Variants in CAPN7 observed in about 807,000 individuals in gnomAD.
CAPN7 encodes calpain-7.
Under a neutral mutation model 115.2 loss-of-function variants are expected in CAPN7, and 72 were observed. The ratio of observed to expected loss-of-function variants is 0.63; its 90% CI spans 0.52 to 0.76. CAPN7 has a LOEUF of 0.76. CAPN7 is among the 30% of genes least tolerant of loss of function. The pLI, the probability that CAPN7 is intolerant of heterozygous loss-of-function variation, is 0.00. For missense variants in CAPN7, 905 were observed against 971.5 expected, an observed-to-expected ratio of 0.93 and a Z score of 0.91; for synonymous variants, 344 against 322.3, an observed-to-expected ratio of 1.07 and a Z score of -0.72.
intron 12 of CAPN7, among the ~76,000 whole-genome samples, chr3:15,238,056 A>C (rs1170526545): frequency 9.6e-6 from 1 of 104,310 alleles, no homozygotes; most frequent in African/African-American, 3.5e-5. Context: ...CATTATTTTT[A>C]TTTTTTATTT....
At position 15,217,514 on chromosome 3, in the gene CAPN7, G is replaced by C; in HGVS notation, c.301G>C (p.Asp101His). Reference sequence around the variant, plus strand: ...CCTTGTTACACAAGCTTTTGATGAAGATGAAAAAGAGAATGTTGAAGATGC... The same window carrying C: ...CCTTGTTACACAAGCTTTTGATGAACATGAAAAAGAGAATGTTGAAGATGC... ...HFLVTQAFDE[D>H]EKENVEDAIE... Residue 101 changes from aspartate (D) to histidine (H), a missense_variant, in exon 3 of 21, where the codon GAT becomes CAT. Coordinates refer to ENST00000253693, the MANE Select transcript of CAPN7 (RefSeq NM_014296.3). 1 of 1,613,770 alleles carries C rather than the reference G, an allele frequency of 6.2e-7. No homozygotes were observed. The highest frequency in any genetic ancestry group is 1.1e-5 in the South Asian group (1 of 91,060).
At chr3:15,222,752 G>T (rs533082924) in intron 5 of CAPN7, among the ~76,000 whole-genome samples, 2 of 152,264 alleles carry the variant, frequency 1.3e-5, no homozygotes, top group Admixed American at 1.3e-4. Flanking sequence ...TCCTTCATGC[G>T]AGTGAAAAGT....
At chr3:15,226,789 C>T (rs1159186962) in intron 6 of CAPN7, among the ~76,000 whole-genome samples, 1 of 151,734 alleles carries the variant, frequency 6.6e-6, no homozygotes, top group African/African-American at 2.4e-5. Context: ...ATACTTTAAC[C>T]AGGAGTTTGT....
Position 15,211,287 on chromosome 3 carries a change from G to A in CAPN7, c.103-817G>A, listed in dbSNP as rs138080222. ...GAAGGCTCAATTCATATTTTTTTGC[G>A]TGTGAATTACTTGCAATCAGTTCAC... is the stretch of plus-strand genomic sequence containing the variant. On this transcript the variant is annotated intron_variant, in intron 1 of 20. Transcript: ENST00000253693. Among the ~76,000 whole-genome samples, 86 of 151,978 alleles carry A rather than the reference G, an allele frequency of 5.7e-4. 1 individual carries two copies. The highest frequency in any genetic ancestry group is 1.6e-3 in the African/African-American group (66 of 41,458).
intron 12 of CAPN7, among the ~76,000 whole-genome samples, chr3:15,236,167 A>G (rs980068006): frequency 6.6e-6 from 1 of 152,192 alleles, no homozygotes; most frequent in African/African-American, 2.4e-5. Context: ...ACCCTGTCTG[A>G]AAAAATAAAA....
intron 16 of CAPN7, 69 bp from the exon 17 acceptor site, chr3:15,245,457 T>G: frequency 7.0e-7 from 1 of 1,424,652 alleles, no homozygotes; most frequent in African/African-American, 1.4e-5. Flanking sequence ...TAATTATTTT[T>G]CCTACATCAA....
At position 15,220,840 on chromosome 3, in the gene CAPN7, T is replaced by C; in HGVS notation, c.497T>C (p.Val166Ala). ...KPVGKISSTS[V>A]KPKPPPVRAH... The stretch of plus-strand genomic sequence containing the variant: ...GTTGGCAAAATCAGTTCAACAAGTG[T>C]TAAGCCAAAGCCACCTCCAGTGAGA... Residue 166 changes from valine to alanine, a missense_variant, in exon 5 of 21, where the codon GTT (valine) becomes GCT (alanine). By Grantham distance (64) the Val-to-Ala change is moderately conservative. This residue lies in a region of CAPN7 where 271 missense variants were observed against 239.6 expected (regional missense o/e 1.13). Transcript: ENST00000253693. 1 of 1,614,180 alleles carries C rather than the reference T, an allele frequency of 6.2e-7. No individual in the cohort carries two copies. Among genetic ancestry groups the C allele is most frequent in the Non-Finnish European group, 8.5e-7 (1 of 1,180,026 alleles).
Position 15,228,939 on chromosome 3 carries a change from A to G in CAPN7, c.853-35A>G, listed in dbSNP as rs1444385180. 5 of 1,458,976 alleles carry G rather than the reference A, an allele frequency of 3.4e-6. No homozygotes were observed. The South Asian group carries it at 5.8e-5, about 17-fold the overall frequency. The allele number at this position is 1,458,976 out of a possible 1,614,324, so 90.4% of individuals were successfully genotyped here. A position where few individuals can be genotyped will look rare whatever the true frequency, so the allele number is the denominator to read the frequency against. On this transcript the variant is annotated intron_variant, in intron 7 of 20. Coordinates refer to ENST00000253693, the MANE Select transcript of CAPN7 (RefSeq NM_014296.3). ...TTGCGGTAATGTTGAAATTACGTGA[A>G]TGAATATGAATATGTTAATTATTCT...
rs17040876 is a variant in CAPN7 at position 15,223,581 on chromosome 3, A to T, written c.725+20A>T. 2 of 1,390,306 alleles carry T rather than the reference A, an allele frequency of 1.4e-6. No individual in the cohort carries two copies. The highest frequency in any genetic ancestry group is 2.5e-5 in the South Asian group (2 of 80,790). 86.1% of individuals were successfully genotyped at this position (1,390,306 alleles called of 1,614,324 possible). On this transcript the variant is annotated intron_variant, in intron 6 of 20. Transcript: ENST00000253693. ...TTTCTGGTAAGTAAGCACTGTTGCA[A>T]TTTTTAACTCCAATATTTTAACTTT...
At chr3:15,236,057 G>C (rs1694977431) in intron 12 of CAPN7, among the ~76,000 whole-genome samples, 1 of 152,106 alleles carries the variant, frequency 6.6e-6, no homozygotes, top group Non-Finnish European at 1.5e-5. Flanking sequence ...TATAATTCCA[G>C]CTACTCAAGA....
chr3:15,213,614 T>A (rs900520944), intron 2 of CAPN7, among the ~76,000 whole-genome samples: 1 of 152,224 alleles, frequency 6.6e-6, no homozygotes, highest in East Asian at 1.9e-4. Context: ...ATTTATGCCC[T>A]AGGGTCTTGA....
chr3:15,247,042 A>C (rs1461984499), intron 18 of CAPN7, among the ~76,000 whole-genome samples: 3 of 152,200 alleles, frequency 2.0e-5, no homozygotes, highest in African/African-American at 7.2e-5. Flanking sequence ...TGAACCTTAA[A>C]AGTAGCATTT....
chr3:15,232,410 A>G, intron 9 of CAPN7, 109 bp from the exon 10 acceptor site: 2 of 795,150 alleles, frequency 2.5e-6, no homozygotes, highest in Middle Eastern at 3.1e-4. Flanking sequence ...AGCCGTCAGC[A>G]TATTGTGCGT....
At chr3:15,237,169 G>A (rs1403347661) in intron 12 of CAPN7, among the ~76,000 whole-genome samples, 2 of 152,088 alleles carry the variant, frequency 1.3e-5, no homozygotes, top group Non-Finnish European at 2.9e-5. Flanking sequence ...TTCTGGCTCT[G>A]TAATAACAAC....
At chr3:15,215,482 A>G (rs1575164304) in intron 2 of CAPN7, among the ~76,000 whole-genome samples, 1 of 152,188 alleles carries the variant, frequency 6.6e-6, no homozygotes, top group Non-Finnish European at 1.5e-5. Flanking sequence ...CCTCTTACCC[A>G]TTAGCAGTCA....
At chr3:15,228,251 T>C (rs1023724330) in intron 7 of CAPN7, among the ~76,000 whole-genome samples, 3 of 152,190 alleles carry the variant, frequency 2.0e-5, no homozygotes, top group East Asian at 3.8e-4. Context: ...GGAATAGATA[T>C]CAGCAATAGA....
intron 9 of CAPN7, chr3:15,232,189 G>T: frequency 2.7e-6 from 1 of 368,834 alleles, no homozygotes; most frequent in South Asian, 2.2e-5. Context: ...TCATGTCAGT[G>T]ATCAAGAAGT....
In CAPN7 at chr3:15,220,788, G is replaced by T; in HGVS notation, c.445G>T (p.Ala149Ser). ...TGTTCCTCTCTGTTATAGAGCAGAA[G>T]CGCTGAGTGAGCCTTTGACCAAGCC... ...LARQALDRAE[A>S]LSEPLTKPVG... The change falls in exon 5 of 21, where the codon GCG becomes TCG. Residue 149 changes from alanine (A) to serine (S), a missense_variant. This residue lies in a region of CAPN7 where 271 missense variants were observed against 239.6 expected (regional missense o/e 1.13). Coordinates refer to ENST00000253693, the MANE Select transcript of CAPN7 (RefSeq NM_014296.3). The T allele has an allele frequency of 6.2e-7, 1 of 1,614,154 alleles. No individual in the cohort carries two copies. The highest frequency in any genetic ancestry group is 8.5e-7 in the Non-Finnish European group (1 of 1,180,000).
At chr3:15,238,854 T>TA (rs1695168489) in intron 12 of CAPN7, among the ~76,000 whole-genome samples, 1 of 147,750 alleles carries the variant, frequency 6.8e-6, no homozygotes, top group African/African-American at 2.5e-5. Flanking sequence ...ATCAAATTTT[T>TA]TTTTTTTTTT....
Sources: gnomAD v4.1 joint callset for allele counts (sites outside exome capture counted in the v4.1 genomes callset) on GRCh38, gnomAD v4.1.1 for gene constraint, gnomAD v4.1.1 regional missense constraint, MANE v1.5 for transcripts, NCBI Gene and HGNC (gene_info 2026-07-23, HGNC 2026-07-21) for gene names.